Variants in HNF4G observed in about 807,000 individuals in gnomAD.
HNF4G encodes the protein hepatocyte nuclear factor 4-gamma.
Under a neutral mutation model 50.9 loss-of-function variants are expected in HNF4G, and 21 were observed. The ratio of observed to expected loss-of-function variants is 0.41; its 90% CI spans 0.29 to 0.59. HNF4G has a LOEUF of 0.59. Among genes scored for constraint, HNF4G ranks in the 20% least tolerant of loss-of-function variants. The pLI, the probability that HNF4G is intolerant of heterozygous loss-of-function variation, is 0.26. For missense variants in HNF4G, 527 were observed against 559.4 expected (o/e 0.94, Z 0.58); for synonymous variants, 198 against 185.6 (o/e 1.07, Z -0.54).
chr8:75,408,070 G>A (rs1030948250), exon 1 of HNF4G: 1 of 152,226 alleles, frequency 6.6e-6, no homozygotes, highest in African/African-American at 2.4e-5. Context: ...CTGAAGGAGG[G>A]GCTGAGCCTC....
chr8:75,464,231 C>T (rs1411357880), intron 1 of HNF4G, among the ~76,000 whole-genome samples: 1 of 111,146 alleles, frequency 9.0e-6, no homozygotes, highest in Non-Finnish European at 1.7e-5. Context: ...AAAATGGATT[C>T]TCTCTCTTTT....
chr8:75,432,185 G>T (rs1490261800), intron 1 of HNF4G, among the ~76,000 whole-genome samples: 1 of 151,858 alleles, frequency 6.6e-6, no homozygotes, highest in African/African-American at 2.4e-5. Flanking sequence ...CCAGGAGGTT[G>T]AGGCTATAGG....
chr8:75,556,329 T>C lies in HNF4G; in HGVS notation c.733+260T>C, dbSNP rs116223379. Among the ~76,000 whole-genome samples, 1,255 of 152,204 alleles carry C rather than the reference T, an allele frequency of 8.2e-3. 9 individuals are homozygous for C. The highest frequency in any genetic ancestry group is 0.029 in the African/African-American group (1,201 of 41,522). ...GAGATGTTGCTCAATAAACATAATATTGAGGTATGTTCAAATTATATCAGA... is the reference window on the plus strand; with the variant it reads ...GAGATGTTGCTCAATAAACATAATACTGAGGTATGTTCAAATTATATCAGA... On this transcript the variant is annotated intron_variant, in intron 6 of 9. Coordinates refer to ENST00000396423, the MANE Select transcript of HNF4G (RefSeq NM_004133.5).
rs181587962 is a variant in HNF4G at position 75,562,658 on chromosome 8, T to C, written c.1247-1317T>C. On this transcript the variant is annotated intron_variant, in intron 9 of 9. Coordinates refer to ENST00000396423, the MANE Select transcript of HNF4G (RefSeq NM_004133.5). ...GAATACTTTTTAAGGGCTAGTATTA[T>C]AGTATTTTAAAAACATATTTGCTGA... Among the ~76,000 whole-genome samples, 21 of 152,342 alleles carry C rather than the reference T, an allele frequency of 1.4e-4. No individual in the cohort carries two copies. In the East Asian group the frequency reaches 3.5e-3, roughly 25 times the overall value.
chr8:75,412,691 G>T (rs138311271), intron 1 of HNF4G, among the ~76,000 whole-genome samples: 1 of 152,096 alleles, frequency 6.6e-6, no homozygotes, highest in East Asian at 1.9e-4. Flanking sequence ...GCTCTTGGCT[G>T]ACTGAAGATT....
At chr8:75,436,530 G>C (rs561695968) in intron 1 of HNF4G, among the ~76,000 whole-genome samples, 1 of 152,158 alleles carries the variant, frequency 6.6e-6, no homozygotes, top group Non-Finnish European at 1.5e-5. Context: ...AGTAGGGAAA[G>C]GGTAGTTGCC....
chr8:75,473,251 C>T (rs1032766790), intron 1 of HNF4G, among the ~76,000 whole-genome samples: 6 of 151,676 alleles, frequency 4.0e-5, no homozygotes, highest in East Asian at 1.9e-4. Flanking sequence ...GAGCCGAGAT[C>T]GCCCCACTGC....
At chr8:75,483,475 G>C (rs963334931) in intron 1 of HNF4G, among the ~76,000 whole-genome samples, 3 of 152,218 alleles carry the variant, frequency 2.0e-5, no homozygotes, top group Admixed American at 6.5e-5. Flanking sequence ...TCCCTCTGGT[G>C]CTCGGCCCCT....
In HNF4G at chr8:75,566,756, G is replaced by T. The variant is rs11774375; in HGVS notation, c.*2660G>T. On this transcript the variant is annotated 3_prime_UTR_variant, in exon 10 of 10. Coordinates refer to ENST00000396423, the MANE Select transcript of HNF4G (RefSeq NM_004133.5). ...AGATTTTTTACCATGTTAAATTATA[G>T]TGAGATTAAAGTATTACTAAACTGT... The T allele has an allele frequency of 1.2e-4, 18 of 151,986 alleles. No individual in the cohort carries two copies. The highest frequency in any genetic ancestry group is 3.4e-3 in the Middle Eastern group (1 of 294). The allele number at this position is 151,986 out of a possible 1,614,324, so 9.4% of individuals were successfully genotyped here. A position where few individuals can be genotyped will look rare whatever the true frequency, so the allele number is the denominator to read the frequency against.
chr8:75,487,701 T>C (rs1485194671), intron 1 of HNF4G, among the ~76,000 whole-genome samples: 4 of 152,234 alleles, frequency 2.6e-5, no homozygotes, highest in African/African-American at 4.8e-5. Context: ...TAATTTCTTT[T>C]CTCACTTGTT....
intron 1 of HNF4G, among the ~76,000 whole-genome samples, chr8:75,414,709 G>C (rs1039234265): frequency 5.9e-5 from 9 of 152,180 alleles, no homozygotes; most frequent in Admixed American, 2.6e-4. Context: ...TTATTTGGTT[G>C]CATGTATCAA....
intron 9 of HNF4G, among the ~76,000 whole-genome samples, chr8:75,561,064 A>T: frequency 6.6e-6 from 1 of 151,984 alleles, no homozygotes; most frequent in East Asian, 1.9e-4. Flanking sequence ...GGAAGTGAGG[A>T]TTTTTTCTAT....
At chr8:75,555,901 A>T (rs1585954483) in intron 5 of HNF4G, 81 bp from the exon 6 acceptor site, 5 of 728,548 alleles carry the variant, frequency 6.9e-6, no homozygotes, top group East Asian at 5.6e-5. Flanking sequence ...CTTAAAGAAC[A>T]CTCTAAGTTA....
At chr8:75,449,909 A>G (rs940830850) in intron 1 of HNF4G, among the ~76,000 whole-genome samples, 3 of 152,198 alleles carry the variant, frequency 2.0e-5, no homozygotes, top group Non-Finnish European at 2.9e-5. Flanking sequence ...TTTTAAGAGT[A>G]CAACATATTG....
At chr8:75,411,002 C>A (rs551477256) in intron 1 of HNF4G, among the ~76,000 whole-genome samples, 1 of 152,230 alleles carries the variant, frequency 6.6e-6, no homozygotes, top group African/African-American at 2.4e-5. Context: ...ATTTATATGC[C>A]TTTTGCTTTT....
At chr8:75,493,458 A>G (rs1031526776) in intron 2 of HNF4G, among the ~76,000 whole-genome samples, 8 of 152,184 alleles carry the variant, frequency 5.3e-5, no homozygotes, top group African/African-American at 1.9e-4. Context: ...GATATTTCCA[A>G]CAAAAGTGTA....
intron 1 of HNF4G, among the ~76,000 whole-genome samples, chr8:75,448,426 TAAAAAAA>T (rs71567113): frequency 8.5e-5 from 1 of 11,734 alleles, no homozygotes; most frequent in African/African-American, 5.6e-4. Context: ...ACTTAAAGTA[TAAAAAAA>T]AAAAAAAAAA....
intron 2 of HNF4G, among the ~76,000 whole-genome samples, chr8:75,510,348 T>C (rs1448057688): frequency 6.6e-6 from 1 of 152,158 alleles, no homozygotes; most frequent in Non-Finnish European, 1.5e-5. Flanking sequence ...TAAGTTAAGG[T>C]TAATTTATTT....
intron 1 of HNF4G, among the ~76,000 whole-genome samples, chr8:75,426,466 A>G (rs1260946764): frequency 6.6e-6 from 1 of 152,172 alleles, no homozygotes; most frequent in East Asian, 1.9e-4. Flanking sequence ...CTTCTTTTAT[A>G]TCTTCTCTTA....
Sources: allele counts gnomAD v4.1 joint callset (sites outside exome capture counted in the v4.1 genomes callset), GRCh38; gene constraint gnomAD v4.1.1; transcripts MANE v1.5; gene names NCBI Gene and HGNC (gene_info 2026-07-23, HGNC 2026-07-21).